Variants in UBE2W observed in about 807,000 individuals in gnomAD.
The protein encoded by UBE2W is ubiquitin-conjugating enzyme E2 W.
A neutral mutation model predicts 27.2 loss-of-function variants in UBE2W; 18 were observed. The observed-to-expected ratio is 0.66, with a 90% confidence interval of 0.46 to 0.98. The LOEUF is 0.98. UBE2W is among the 50% of genes least tolerant of loss of function. The pLI is 0.00. For missense variants in UBE2W, 90 were observed against 180.2 expected, an observed-to-expected ratio of 0.50 and a Z score of 2.87; for synonymous variants, 53 against 57.2, an observed-to-expected ratio of 0.93 and a Z score of 0.33.
In UBE2W at chr8:73,805,472, C is replaced by CAAAAAAAAAAAAAAAAAAAAAA; in HGVS notation, c.442+178_442+179insTTTTTTTTTTTTTTTTTTTTTT. On this transcript the variant is annotated intron_variant, in intron 5 of 5. Coordinates refer to ENST00000602593, the MANE Select transcript of UBE2W (RefSeq NM_018299.6). ...TCCATCTCAAAAAAAAAAAAAAAAA[C>CAAAAAAAAAAAAAAAAAAAAAA]AAAAAAAACTAGGGTAATTCATCCA... 7.8e-4 allele frequency among the ~76,000 whole-genome samples: 34 copies of CAAAAAAAAAAAAAAAAAAAAAA among 43,680 alleles called. 4 individuals carry two copies. Among genetic ancestry groups the CAAAAAAAAAAAAAAAAAAAAAA allele is most frequent in the East Asian group, 2.2e-3 (2 of 910 alleles). 28.7% of individuals were successfully genotyped at this position (43,680 alleles called of 152,430 possible).
chr8:73,805,465 A>C (rs79368831), intron 5 of UBE2W, among the ~76,000 whole-genome samples, 186 bp downstream of exon 5: 2 of 135,852 alleles, frequency 1.5e-5, no homozygotes, highest in Non-Finnish European at 3.2e-5. Context: ...AAAAAAAAAA[A>C]AAAAAACAAA....
intron 1 of UBE2W, among the ~76,000 whole-genome samples, chr8:73,876,890 T>G (rs1252405198): frequency 2.6e-5 from 4 of 152,012 alleles, no homozygotes; most frequent in Admixed American, 6.6e-5. Flanking sequence ...TCGCTTGAAC[T>G]CGGGAGGTGG....
At chr8:73,870,363 T>C (rs951178531) in intron 1 of UBE2W, 3 of 1,505,814 alleles carry the variant, frequency 2.0e-6, no homozygotes, top group Non-Finnish European at 1.8e-6. Flanking sequence ...ATTTTTTCCA[T>C]TGATAGCTAG....
chr8:73,829,690 T>A (rs1011441719), intron 2 of UBE2W, among the ~76,000 whole-genome samples: 3 of 152,106 alleles, frequency 2.0e-5, no homozygotes, highest in Non-Finnish European at 4.4e-5. Flanking sequence ...TACCCAAAAC[T>A]GTTTCCTCTG....
At chr8:73,803,108 G>C (rs1808716477) in intron 5 of UBE2W, among the ~76,000 whole-genome samples, 4 of 152,032 alleles carry the variant, frequency 2.6e-5, no homozygotes, top group South Asian at 2.1e-4. Flanking sequence ...CCAGCTACTA[G>C]GGAGGCTGAG....
rs897640833 is a variant in UBE2W, at chr8:73,789,196, C to A, written c.*4906G>T. On this transcript the variant is annotated 3_prime_UTR_variant, in exon 6 of 6. Transcript: ENST00000602593. ...GTCTTAAATCGGCAAACAGACGAGGCATGGTGGCTTGCACCTGTAATCCCA... is the reference window on the plus strand; with the variant it reads ...GTCTTAAATCGGCAAACAGACGAGGAATGGTGGCTTGCACCTGTAATCCCA... The A allele has an allele frequency of 1.0e-6, 1 of 983,774 alleles. No homozygotes were observed. The highest frequency in any genetic ancestry group is 1.2e-6 in the Non-Finnish European group (1 of 829,730). 60.9% of individuals were successfully genotyped at this position (983,774 alleles called of 1,614,324 possible). A position where few individuals can be genotyped will look rare whatever the true frequency, so the allele number is the denominator to read the frequency against.
chr8:73,844,533 A>G (rs1263793217), intron 1 of UBE2W, among the ~76,000 whole-genome samples: 1 of 152,080 alleles, frequency 6.6e-6, no homozygotes, highest in Non-Finnish European at 1.5e-5. Flanking sequence ...TTGGCCTCCC[A>G]AAGTGCCGAG....
intron 3 of UBE2W, among the ~76,000 whole-genome samples, chr8:73,814,511 T>G (rs754207351): frequency 2.6e-5 from 4 of 152,094 alleles, no homozygotes; most frequent in African/African-American, 9.7e-5. Flanking sequence ...AAGTTTGAAG[T>G]TGCATTAGAA....
At chr8:73,863,163 G>T (rs1193338804) in intron 1 of UBE2W, among the ~76,000 whole-genome samples, 1 of 143,696 alleles carries the variant, frequency 7.0e-6, no homozygotes, top group Non-Finnish European at 1.5e-5. Context: ...CAATAGCAAA[G>T]ACGTGGAACC....
rs1563577877 is a variant in UBE2W, at chr8:73,805,463, A to AAAAAAAAAAAAC, written c.442+187_442+188insGTTTTTTTTTTT. 4.6e-5 allele frequency among the ~76,000 whole-genome samples: 6 copies of AAAAAAAAAAAAC among 129,396 alleles called. 1 individual carries two copies. Among genetic ancestry groups the AAAAAAAAAAAAC allele is most frequent in the East Asian group, 2.1e-4 (1 of 4,778 alleles). The allele number at this position is 129,396 out of a possible 152,430, so 84.9% of individuals were successfully genotyped here. A position where few individuals can be genotyped will look rare whatever the true frequency, so the allele number is the denominator to read the frequency against. On this transcript the variant is annotated intron_variant, in intron 5 of 5. Coordinates refer to ENST00000602593, the MANE Select transcript of UBE2W (RefSeq NM_018299.6). ...GAGCAAAACTCCATCTCAAAAAAAA[A>AAAAAAAAAAAAC]AAAAAAAACAAAAAAAACTAGGGTA...
intron 1 of UBE2W, among the ~76,000 whole-genome samples, chr8:73,856,357 A>ATTTTTTTTTTTTTTTTTTTTTTT (rs34593904): frequency 1.1e-5 from 1 of 89,344 alleles, no homozygotes. Flanking sequence ...ACACTTATGA[A>ATTTTTTTTTTTTTTTTTTTTTTT]TTTTTTTTTT....
chr8:73,816,801 G>A (rs1360467488), intron 3 of UBE2W, among the ~76,000 whole-genome samples: 1 of 152,258 alleles, frequency 6.6e-6, no homozygotes, highest in Non-Finnish European at 1.5e-5. Flanking sequence ...GGGAGGCCGA[G>A]GTGGGCGGAT....
intron 1 of UBE2W, among the ~76,000 whole-genome samples, chr8:73,856,271 C>T (rs189497712): frequency 3.3e-5 from 5 of 151,796 alleles, no homozygotes; most frequent in South Asian, 2.1e-4. Flanking sequence ...TTGTAGGAAA[C>T]GCTACTCAGT....
chr8:73,844,750 T>C (rs1182185026), intron 1 of UBE2W, among the ~76,000 whole-genome samples: 2 of 149,486 alleles, frequency 1.3e-5, no homozygotes, highest in African/African-American at 2.5e-5. Flanking sequence ...GGAGCACCTC[T>C]GCCCCGCCGC....
intron 1 of UBE2W, among the ~76,000 whole-genome samples, chr8:73,862,045 G>A (rs1187898395): frequency 6.6e-6 from 1 of 152,210 alleles, no homozygotes; most frequent in East Asian, 1.9e-4. Context: ...GGTACAAGGA[G>A]ATGTATTACA....
chr8:73,792,662 A>C lies in UBE2W; in HGVS notation c.*1440T>G, dbSNP rs1808251767. The C allele has an allele frequency of 1.0e-6, 1 of 985,450 alleles. No individual in the cohort carries two copies. 61.0% of individuals were successfully genotyped at this position (985,450 alleles called of 1,614,324 possible). A position where few individuals can be genotyped will look rare whatever the true frequency, so the allele number is the denominator to read the frequency against. ...CAACAATAAGGCATTAGTAAAAATA[A>C]CATTGTAGTAGAAACAGATTTTGCA... On this transcript the variant is annotated 3_prime_UTR_variant, in exon 6 of 6. Transcript: ENST00000602593.
downstream of UBE2W, among the ~76,000 whole-genome samples, chr8:73,784,235 T>C (rs1049644452): frequency 6.6e-6 from 1 of 152,210 alleles, no homozygotes; most frequent in Non-Finnish European, 1.5e-5. Context: ...GTGTTGATTT[T>C]TCCTGCCTTG....
At chr8:73,809,012 T>G (rs1809035895) in intron 4 of UBE2W, among the ~76,000 whole-genome samples, 1 of 152,222 alleles carries the variant, frequency 6.6e-6, no homozygotes, top group African/African-American at 2.4e-5. Flanking sequence ...AATAACTTTC[T>G]TATTAAATAC....
chr8:73,875,960 G>A (rs1410153774), intron 1 of UBE2W, among the ~76,000 whole-genome samples: 1 of 152,052 alleles, frequency 6.6e-6, no homozygotes, highest in Non-Finnish European at 1.5e-5. Context: ...GACTGAGTAG[G>A]AGAATTGCTA....
Sources: gnomAD v4.1 joint callset for allele counts (sites outside exome capture counted in the v4.1 genomes callset) on GRCh38, gnomAD v4.1.1 for gene constraint, MANE v1.5 for transcripts, NCBI Gene and HGNC (gene_info 2026-07-23, HGNC 2026-07-21) for gene names.